HEMK2: variants seen among roughly 807,000 people sequenced by gnomAD.
HEMK2 encodes the protein HemK methyltransferase 2, ETF1 glutamine and histone H4 lysine.
chr21:28,694,815 G>T, the HEMK2 span, among the ~76,000 whole-genome samples: 1 of 152,022 alleles, frequency 6.6e-6, no homozygotes, highest in Admixed American at 6.6e-5. Flanking sequence ...TAGCTAACAC[G>T]GTGAAACCCC....
At chr21:28,622,941 A>G in the HEMK2 span, among the ~76,000 whole-genome samples, 2 of 152,232 alleles carry the variant, frequency 1.3e-5, no homozygotes, top group African/African-American at 4.8e-5. Flanking sequence ...CTTCAAGACT[A>G]AAACATAAAA....
the HEMK2 span, among the ~76,000 whole-genome samples, chr21:28,819,563 T>TTTC: frequency 1.4e-5 from 2 of 147,806 alleles, no homozygotes; most frequent in Admixed American, 6.7e-5. Flanking sequence ...TTTTTTTTTT[T>TTTC]CAGACAGAGT....
At chr21:28,783,366 G>C in the HEMK2 span, among the ~76,000 whole-genome samples, 2 of 151,976 alleles carry the variant, frequency 1.3e-5, no homozygotes, top group Admixed American at 1.3e-4. Flanking sequence ...TGTAATTTTC[G>C]TAGAGACGGG....
the HEMK2 span, among the ~76,000 whole-genome samples, chr21:28,757,643 C>T: frequency 6.6e-6 from 1 of 152,164 alleles, no homozygotes; most frequent in Non-Finnish European, 1.5e-5. Flanking sequence ...TAGTTTGCTA[C>T]ACAACAATCG....
chr21:28,647,508 C>CAAA, the HEMK2 span, among the ~76,000 whole-genome samples: 62 of 111,828 alleles, frequency 5.5e-4, no homozygotes, highest in African/African-American at 1.6e-3. Context: ...AACTCCATCT[C>CAAA]AAAAAAAAAA....
chr21:28,715,291 G>C, the HEMK2 span, among the ~76,000 whole-genome samples: 2 of 151,976 alleles, frequency 1.3e-5, no homozygotes, highest in Non-Finnish European at 2.9e-5. Context: ...CCGCAGCCTT[G>C]CAAGCATCTG....
the HEMK2 span, among the ~76,000 whole-genome samples, chr21:28,656,315 C>T: frequency 6.6e-6 from 1 of 152,044 alleles, no homozygotes; most frequent in African/African-American, 2.4e-5. Context: ...AAAAGTACCA[C>T]AACCACTAAC....
At chr21:28,858,404 C>A in the HEMK2 span, among the ~76,000 whole-genome samples, 1 of 152,226 alleles carries the variant, frequency 6.6e-6, no homozygotes, top group African/African-American at 2.4e-5. Context: ...ATTGTTACCA[C>A]AATCACCAGC....
chr21:28,701,398 T>A, the HEMK2 span, among the ~76,000 whole-genome samples: 5 of 152,068 alleles, frequency 3.3e-5, no homozygotes, highest in Non-Finnish European at 5.9e-5. Flanking sequence ...GAAAACTCCA[T>A]ACCTCTGACC....
At chr21:28,605,671 G>A in the HEMK2 span, among the ~76,000 whole-genome samples, 6 of 152,010 alleles carry the variant, frequency 3.9e-5, no homozygotes, top group African/African-American at 9.7e-5. Flanking sequence ...ATACAGATAC[G>A]TAAACACATT....
At chr21:28,827,064 C>A in the HEMK2 span, among the ~76,000 whole-genome samples, 1 of 152,200 alleles carries the variant, frequency 6.6e-6, no homozygotes, top group East Asian at 1.9e-4. Flanking sequence ...AGGAATTTGC[C>A]CATCCATTCA....
chr21:28,705,813 C>A, the HEMK2 span, among the ~76,000 whole-genome samples: 1 of 152,100 alleles, frequency 6.6e-6, no homozygotes, highest in South Asian at 2.1e-4. Flanking sequence ...TTTCCACATT[C>A]CATGACTCAT....
chr21:28,859,215 A>G, the HEMK2 span, among the ~76,000 whole-genome samples: 1 of 152,044 alleles, frequency 6.6e-6, no homozygotes, highest in African/African-American at 2.4e-5. Context: ...AAGCTCTTAC[A>G]CTCTAGTCTC....
chr21:28,680,078 T>C, the HEMK2 span, among the ~76,000 whole-genome samples: 2 of 152,000 alleles, frequency 1.3e-5, no homozygotes, highest in African/African-American at 4.8e-5. Context: ...AATAGAGACA[T>C]AAAAAACCCT....
At chr21:28,760,841 C>T in the HEMK2 span, among the ~76,000 whole-genome samples, 1 of 152,106 alleles carries the variant, frequency 6.6e-6, no homozygotes, top group Non-Finnish European at 1.5e-5. Flanking sequence ...TTCTGTTTCA[C>T]ATTTGTTTTC....
the HEMK2 span, among the ~76,000 whole-genome samples, chr21:28,676,125 T>C: frequency 6.6e-6 from 1 of 152,176 alleles, no homozygotes; most frequent in African/African-American, 2.4e-5. Flanking sequence ...GGTGTATGGT[T>C]TTTAGGGCTG....
chr21:28,645,065 A>C, the HEMK2 span, among the ~76,000 whole-genome samples: 1 of 152,132 alleles, frequency 6.6e-6, no homozygotes, highest in Non-Finnish European at 1.5e-5. Flanking sequence ...TCCTCATCTC[A>C]AAGACTATGA....
At chr21:28,836,084 C>G in the HEMK2 span, among the ~76,000 whole-genome samples, 1 of 152,184 alleles carries the variant, frequency 6.6e-6, no homozygotes. Context: ...TTGAGGAAAA[C>G]TTCCTCAGCC....
At chr21:28,586,583 G>A in the HEMK2 span, among the ~76,000 whole-genome samples, 3 of 152,148 alleles carry the variant, frequency 2.0e-5, no homozygotes, top group East Asian at 5.8e-4. Flanking sequence ...ATGCCTCTGA[G>A]TTTCCTCTTA....
Sources: gnomAD v4.1 joint callset for allele counts (sites outside exome capture counted in the v4.1 genomes callset) on GRCh38, gnomAD v4.1.1 for gene constraint, MANE v1.5 for transcripts, NCBI Gene and HGNC (gene_info 2026-07-23, HGNC 2026-07-21) for gene names.